GRM7: variants seen among roughly 807,000 people sequenced by gnomAD.
GRM7 encodes glutamate metabotropic receptor 7.
GRM7 carries 35 observed loss-of-function variants against 84.5 expected under a neutral mutation model. That is an observed-to-expected ratio of 0.41 (90% CI 0.32 to 0.55). The LOEUF is 0.55. Among genes scored for constraint, GRM7 ranks in the 20% least tolerant of loss-of-function variants. The pLI, the probability that GRM7 is intolerant of heterozygous loss-of-function variation, is 0.19. For missense variants in GRM7, 1,003 were observed against 1,194.6 expected, an observed-to-expected ratio of 0.84 and a Z score of 2.36; for synonymous variants, 487 against 455.1, an observed-to-expected ratio of 1.07 and a Z score of -0.89.
intron 1 of GRM7, among the ~76,000 whole-genome samples, chr3:6,994,853 C>A (rs1315844134): frequency 6.6e-6 from 1 of 152,106 alleles, no homozygotes; most frequent in Non-Finnish European, 1.5e-5. Flanking sequence ...GATGATTCGG[C>A]CAAATTGGGT....
chr3:7,384,750 G>A (rs1347844405), intron 4 of GRM7, among the ~76,000 whole-genome samples: 1 of 152,034 alleles, frequency 6.6e-6, no homozygotes, highest in African/African-American at 2.4e-5. Flanking sequence ...GAATACAGCA[G>A]GTGTACACAC....
At chr3:7,333,180 C>T (rs1445599682) in intron 4 of GRM7, among the ~76,000 whole-genome samples, 2 of 152,188 alleles carry the variant, frequency 1.3e-5, no homozygotes, top group African/African-American at 2.4e-5. Context: ...TCTCTGCTAG[C>T]ATAACCAACA....
At position 7,724,923 on chromosome 3, in the gene GRM7, C is replaced by A. The variant is rs560902583; in HGVS notation, c.2699-15434C>A. Among the ~76,000 whole-genome samples the A allele has an allele frequency of 8.7e-4, 128 of 147,360 alleles. No individual in the cohort carries two copies. The South Asian group carries it at 0.027, about 31-fold the overall frequency. ...GGACCACAGGCGCTTGACACCAGGC[C>A]CAGCTGTTGTTTTATTATTATTTTT... On this transcript the variant is annotated intron_variant, in intron 9 of 9. Transcript: ENST00000357716.
chr3:7,452,198 C>T (rs1489843017), intron 5 of GRM7, among the ~76,000 whole-genome samples: 1 of 152,056 alleles, frequency 6.6e-6, no homozygotes, highest in Admixed American at 6.6e-5. Context: ...AGAGACGGTA[C>T]AATAGGTGTG....
intron 5 of GRM7, among the ~76,000 whole-genome samples, chr3:7,433,588 T>C (rs1696921325): frequency 6.6e-6 from 1 of 152,228 alleles, no homozygotes; most frequent in Non-Finnish European, 1.5e-5. Context: ...TGAAAAATAA[T>C]GTGAATGATG....
rs576433323 is a variant in GRM7 at position 7,057,197 on chromosome 3, G to T, written c.520-89255G>T. On this transcript the variant is annotated intron_variant, in intron 1 of 9. Transcript: ENST00000357716. ...TGTAATGGTTTTCAATTAACATATGGCTTGTTTCTGTGCAAATAAAGGTTT... is the reference window on the plus strand; with the variant it reads ...TGTAATGGTTTTCAATTAACATATGTCTTGTTTCTGTGCAAATAAAGGTTT... Among the ~76,000 whole-genome samples the T allele has an allele frequency of 2.0e-5, 3 of 151,942 alleles. No homozygotes were observed. In the East Asian group the frequency reaches 5.8e-4, roughly 30 times the overall value.
chr3:7,126,977 A>T (rs1339209089), intron 1 of GRM7, among the ~76,000 whole-genome samples: 1 of 152,250 alleles, frequency 6.6e-6, no homozygotes, highest in African/African-American at 2.4e-5. Context: ...AATTATTTAA[A>T]TGTTCTACTT....
intron 7 of GRM7, among the ~76,000 whole-genome samples, chr3:7,464,663 T>C (rs1241198009): frequency 1.3e-5 from 2 of 151,686 alleles, no homozygotes; most frequent in Non-Finnish European, 2.9e-5. Context: ...ACCCCGTCTC[T>C]AAAAATACAA....
chr3:7,184,055 A>G (rs985860078), intron 2 of GRM7, among the ~76,000 whole-genome samples: 1 of 152,154 alleles, frequency 6.6e-6, no homozygotes, highest in African/African-American at 2.4e-5. Context: ...TATGTTTTGG[A>G]ATTCTTTAGT....
At chr3:7,257,781 T>C (rs1356088934) in intron 2 of GRM7, among the ~76,000 whole-genome samples, 1 of 152,222 alleles carries the variant, frequency 6.6e-6, no homozygotes, top group Admixed American at 6.5e-5. Flanking sequence ...TTATACATGA[T>C]CTCGTGAATC....
chr3:7,148,073 C>G (rs762150799), intron 2 of GRM7, among the ~76,000 whole-genome samples: 1 of 152,144 alleles, frequency 6.6e-6, no homozygotes, highest in Non-Finnish European at 1.5e-5. Flanking sequence ...GGCTACAATT[C>G]AGTTAGAAAC....
intron 8 of GRM7, among the ~76,000 whole-genome samples, chr3:7,665,091 C>A (rs961453532): frequency 1.3e-5 from 2 of 151,624 alleles, no homozygotes; most frequent in Non-Finnish European, 2.9e-5. Context: ...ATGACACATT[C>A]TCTTGACAAA....
chr3:7,708,350 CAAA>C (rs35071699), intron 9 of GRM7, among the ~76,000 whole-genome samples: 1 of 141,694 alleles, frequency 7.1e-6, no homozygotes, highest in African/African-American at 2.6e-5. Flanking sequence ...GCAAACATGG[CAAA>C]AAAAAAAAAT....
intron 4 of GRM7, among the ~76,000 whole-genome samples, chr3:7,316,125 C>A (rs184423962): frequency 4.0e-5 from 6 of 151,340 alleles, no homozygotes; most frequent in Non-Finnish European, 5.9e-5. Flanking sequence ...AATGAAGGAG[C>A]ACACTGGGCA....
chr3:7,026,565 A>C (rs1475501209), intron 1 of GRM7, among the ~76,000 whole-genome samples: 1 of 152,208 alleles, frequency 6.6e-6, no homozygotes, highest in East Asian at 1.9e-4. Context: ...AATACTTACT[A>C]TCATGGCACC....
intron 7 of GRM7, among the ~76,000 whole-genome samples, chr3:7,483,996 A>G (rs772658532): frequency 1.3e-5 from 2 of 152,242 alleles, no homozygotes; most frequent in Non-Finnish European, 2.9e-5. Flanking sequence ...ATATAATTGA[A>G]TATGCTTCTG....
At chr3:7,373,816 A>G (rs140398277) in intron 4 of GRM7, among the ~76,000 whole-genome samples, 10 of 152,336 alleles carry the variant, frequency 6.6e-5, no homozygotes, top group Non-Finnish European at 1.0e-4. Context: ...TGAATAGTCA[A>G]TATCTGTGCT....
At chr3:7,655,619 C>T (rs1699142468) in intron 8 of GRM7, among the ~76,000 whole-genome samples, 1 of 152,182 alleles carries the variant, frequency 6.6e-6, no homozygotes, top group Non-Finnish European at 1.5e-5. Flanking sequence ...TGCAAAAGTG[C>T]ATTGCCCATA....
chr3:7,341,079 A>G (rs994836458), intron 4 of GRM7, among the ~76,000 whole-genome samples: 3 of 152,152 alleles, frequency 2.0e-5, no homozygotes, highest in African/African-American at 7.2e-5. Context: ...GTTCTTTAGC[A>G]TTGTTAATTT....
Sources: allele counts gnomAD v4.1 joint callset (sites outside exome capture counted in the v4.1 genomes callset), GRCh38; gene constraint gnomAD v4.1.1; transcripts MANE v1.5; gene names NCBI Gene and HGNC (gene_info 2026-07-23, HGNC 2026-07-21).